The following DEPDC5 variants were observed in gnomAD, a reference collection of about 807,000 sequenced individuals.
DEPDC5 encodes GATOR1 complex protein DEPDC5.
A neutral mutation model predicts 217.3 loss-of-function variants in DEPDC5; 73 were observed. The ratio of observed to expected loss-of-function variants is 0.34; its 90% CI spans 0.28 to 0.41. The LOEUF is 0.41. DEPDC5 is among the 10% of genes least tolerant of loss of function. The pLI is 1.00. For missense variants in DEPDC5, 1,675 were observed against 2,070.1 expected (o/e 0.81, Z 3.70); for synonymous variants, 733 against 756.7 (o/e 0.97, Z 0.51).
chr22:31,776,433 A>G (rs886364145), intron 7 of DEPDC5, among the ~76,000 whole-genome samples: 1 of 151,912 alleles, frequency 6.6e-6, no homozygotes, highest in African/African-American at 2.4e-5. Flanking sequence ...TTTTAAAGAT[A>G]ATGCCACTGA....
chr22:31,776,516 TC>T (rs1397005871), intron 7 of DEPDC5, among the ~76,000 whole-genome samples: 1 of 151,810 alleles, frequency 6.6e-6, no homozygotes, highest in East Asian at 1.9e-4. Context: ...GACCAGTTTC[TC>T]TTCAGGCCAG....
In DEPDC5 at chr22:31,775,928, C is replaced by T. The variant is rs558716620; in HGVS notation, c.414-2171C>T. Among the ~76,000 whole-genome samples, 822 of 151,078 alleles carry T rather than the reference C, an allele frequency of 5.4e-3. 9 individuals are homozygous for T. Among genetic ancestry groups the T allele is most frequent in the African/African-American group, 0.019 (800 of 41,240 alleles). ...TGGTGGCACGTGCCTGTAATCCCAG[C>T]TACTCGGGAGGCTGAGGCAGGAGAA... On this transcript the variant is annotated intron_variant, in intron 7 of 42. Transcript: ENST00000651528.
rs200812216 is a variant in DEPDC5, at chr22:31,876,280, G to A, written c.3805+15G>A. 1.9e-4 allele frequency: 303 copies of A among 1,608,474 alleles called. No individual in the cohort carries two copies. The highest frequency in any genetic ancestry group is 2.5e-4 in the Non-Finnish European group (293 of 1,176,508). ...GCCCGACCGAGGTTAGAGCCGAGGC[G>A]AATGCGGTTGCCCACAGGGGCAAGT... On this transcript the variant is annotated intron_variant, in intron 37 of 42. Transcript: ENST00000651528.
intron 16 of DEPDC5, 25 bp downstream of exon 16, chr22:31,804,248 C>CTAAA (rs2087218329): frequency 6.8e-6 from 11 of 1,612,456 alleles, no homozygotes; most frequent in Non-Finnish European, 9.3e-6. Flanking sequence ...GATTTGTTTA[C>CTAAA]TAAAGGCCAG....
At chr22:31,758,907 GTT>G (rs543401141) in intron 3 of DEPDC5, among the ~76,000 whole-genome samples, 1 of 143,422 alleles carries the variant, frequency 7.0e-6, no homozygotes. Context: ...CCATTCCTTC[GTT>G]TTTTTTTTTT....
At chr22:31,776,824 C>T (rs941404385) in intron 7 of DEPDC5, among the ~76,000 whole-genome samples, 4 of 151,960 alleles carry the variant, frequency 2.6e-5, no homozygotes, top group African/African-American at 4.8e-5. Flanking sequence ...ATCCACCTGC[C>T]TTGGCCTCCC....
At chr22:31,883,321 G>C (rs780892747) in intron 38 of DEPDC5, among the ~76,000 whole-genome samples, 41 of 152,302 alleles carry the variant, frequency 2.7e-4, no homozygotes, top group Non-Finnish European at 4.7e-4. Flanking sequence ...AAGTTGATGC[G>C]TGATAAGGGC....
At position 31,849,352 on chromosome 22, in the gene DEPDC5, A is replaced by G. The variant is rs555446402; in HGVS notation, c.3155+2385A>G. 2.6e-5 allele frequency among the ~76,000 whole-genome samples: 4 copies of G among 152,238 alleles called. No homozygotes were observed. The East Asian group carries it at 7.7e-4, about 29-fold the overall frequency. On this transcript the variant is annotated intron_variant, in intron 31 of 42. Transcript: ENST00000651528. ...TTTATAAAGGAAAGAGGTTTAATTG[A>G]CTCACAGTTCAGCATGGCTGGGGAG...
intron 25 of DEPDC5, among the ~76,000 whole-genome samples, chr22:31,835,107 A>G (rs1279956509): frequency 6.6e-6 from 1 of 152,206 alleles, no homozygotes; most frequent in Non-Finnish European, 1.5e-5. Context: ...AGCCCGGGCA[A>G]TATAGTGAGA....
At chr22:31,857,200 A>G (rs980504707) in intron 31 of DEPDC5, among the ~76,000 whole-genome samples, 19 of 152,236 alleles carry the variant, frequency 1.2e-4, no homozygotes, top group African/African-American at 4.1e-4. Flanking sequence ...AAGGTCATAT[A>G]TAAGCACCAG....
intron 12 of DEPDC5, among the ~76,000 whole-genome samples, chr22:31,796,970 C>G (rs2086310624): frequency 6.7e-6 from 1 of 150,096 alleles, no homozygotes; most frequent in African/African-American, 2.4e-5. Context: ...ACTGGAATTA[C>G]AAGTATGAGC....
At chr22:31,822,868 G>T (rs1421929630) in intron 24 of DEPDC5, 78 bp downstream of exon 24, 2 of 1,404,096 alleles carry the variant, frequency 1.4e-6, no homozygotes, top group South Asian at 1.2e-5. Flanking sequence ...GGCCAGAAAA[G>T]CAGGGCCATG....
rs1183495804 is a variant in DEPDC5, at chr22:31,804,197, C to T, written c.1117C>T (p.Pro373Ser). The T allele has an allele frequency of 1.2e-6, 2 of 1,614,006 alleles. No homozygotes were observed. The highest frequency in any genetic ancestry group is 4.5e-5 in the East Asian group (2 of 44,882). The change falls in exon 16 of 43, where the codon CCG (proline) becomes TCG (serine). Residue 373 changes from proline to serine, a missense_variant. Transcript: ENST00000651528. ...GVDLVCMGEQ[P>S]LHAVPLFKLH... ...GGATTTGGTGTGCATGGGAGAGCAA[C>T]CGTTACATGCTGTCCCATTGTTCAA... is the stretch of plus-strand genomic sequence containing the variant.
chr22:31,828,452 C>CAAAAA (rs35489633), intron 24 of DEPDC5, among the ~76,000 whole-genome samples: 14 of 73,182 alleles, frequency 1.9e-4, no homozygotes, highest in East Asian at 4.0e-4. Context: ...AACTCCGTCT[C>CAAAAA]AAAAAAAAAA....
At chr22:31,885,295 G>A (rs916451656) in intron 38 of DEPDC5, among the ~76,000 whole-genome samples, 2 of 152,140 alleles carry the variant, frequency 1.3e-5, no homozygotes, top group African/African-American at 4.8e-5. Context: ...GCACCACGCT[G>A]GCTTCCATCT....
At position 31,855,827 on chromosome 22, in the gene DEPDC5, A is replaced by T. The variant is rs560660074; in HGVS notation, c.3156-1618A>T. Among the ~76,000 whole-genome samples, 10 of 152,246 alleles carry T rather than the reference A, an allele frequency of 6.6e-5. No homozygotes were observed. The East Asian group carries it at 1.7e-3, about 26-fold the overall frequency. ...TTTGTATTTTTTCAGAATGTAAAAA[A>T]AAAAATTTAAGGGAGAGTGCAACAG... On this transcript the variant is annotated intron_variant, in intron 31 of 42. Coordinates refer to ENST00000651528, the MANE Select transcript of DEPDC5 (RefSeq NM_001242896.3).
At chr22:31,874,786 C>T (rs1013646550) in intron 36 of DEPDC5, among the ~76,000 whole-genome samples, 6 of 152,144 alleles carry the variant, frequency 3.9e-5, no homozygotes, top group African/African-American at 1.4e-4. Context: ...GACCCAGGGG[C>T]CTTCTGTCAC....
intron 33 of DEPDC5, among the ~76,000 whole-genome samples, chr22:31,866,465 A>C (rs576311407): frequency 1.3e-5 from 2 of 152,272 alleles, no homozygotes; most frequent in East Asian, 3.9e-4. Context: ...AGCTCACTGC[A>C]ACCTCCGCCT....
rs1370744017 is a variant in DEPDC5, at chr22:31,895,164, GGAAA to G, written c.4203+1423_4203+1426del. Among the ~76,000 whole-genome samples, 4 of 145,424 alleles carry G rather than the reference GGAAA, an allele frequency of 2.8e-5. No homozygotes were observed. In the South Asian group the frequency reaches 6.5e-4, roughly 24 times the overall value. On this transcript the variant is annotated intron_variant, in intron 39 of 42. Coordinates refer to ENST00000651528, the MANE Select transcript of DEPDC5 (RefSeq NM_001242896.3). Reference sequence around the variant, plus strand: ...GTCTCAAAAAAAAAAAAAAAAAAAAGGAAAGAAAGAAAGGGGTGAGGGCAGGGTG... The same window carrying G: ...GTCTCAAAAAAAAAAAAAAAAAAAAGGAAAGAAAGGGGTGAGGGCAGGGTG...
Sources: allele counts gnomAD v4.1 joint callset (sites outside exome capture counted in the v4.1 genomes callset), GRCh38; gene constraint gnomAD v4.1.1; transcripts MANE v1.5; gene names NCBI Gene and HGNC (gene_info 2026-07-23, HGNC 2026-07-21).